Variants in FAS observed in about 807,000 individuals in gnomAD.
The protein encoded by FAS is Fas cell surface death receptor.
A neutral mutation model predicts 33.2 loss-of-function variants in FAS; 5 were observed. The ratio of observed to expected loss-of-function variants is 0.15; its 90% CI spans 0.08 to 0.32. The LOEUF is 0.32. Ranked by LOEUF, FAS falls within the 10% of genes least tolerant of loss-of-function variation. The pLI, the probability that FAS is intolerant of heterozygous loss-of-function variation, is 1.00. For synonymous variants in FAS, 131 were observed against 130.7 expected (o/e 1.00, Z -0.01); for missense variants, 339 against 386.0 (o/e 0.88, Z 1.02).
intron 1 of FAS, among the ~76,000 whole-genome samples, chr10:88,998,447 A>G (rs922793077): frequency 1.3e-5 from 2 of 152,118 alleles, no homozygotes; most frequent in Non-Finnish European, 2.9e-5. Context: ...TGGAAGTTGT[A>G]TATACCAAAT....
intron 2 of FAS, among the ~76,000 whole-genome samples, chr10:88,975,550 G>C (rs1846543462): frequency 6.6e-6 from 1 of 152,112 alleles, no homozygotes; most frequent in Non-Finnish European, 1.5e-5. Context: ...AGAGCAAAGG[G>C]AACTATCAGC....
intron 6 of FAS, among the ~76,000 whole-genome samples, chr10:89,011,450 G>A (rs1429404669): frequency 1.3e-5 from 2 of 152,190 alleles, no homozygotes; most frequent in Non-Finnish European, 2.9e-5. Context: ...TGTTTCTTCA[G>A]TTCAGTTGAA....
Position 89,015,324 on chromosome 10 carries a change from T to A in FAS, c.*874T>A, listed in dbSNP as rs1436430653. On this transcript the variant is annotated 3_prime_UTR_variant, in exon 9 of 9. Transcript: ENST00000652046. ...CTGCCCTTAGAAATTCTAGCCTGGTTTGGAGATACTAACTGCTCTCAGAGA... is the reference window on the plus strand; with the variant it reads ...CTGCCCTTAGAAATTCTAGCCTGGTATGGAGATACTAACTGCTCTCAGAGA... 7.5e-6 allele frequency: 4 copies of A among 534,610 alleles called. No homozygotes were observed. In the East Asian group the frequency reaches 1.2e-4, roughly 16 times the overall value. The allele number at this position is 534,610 out of a possible 1,614,324, so 33.1% of individuals were successfully genotyped here. A position where few individuals can be genotyped will look rare whatever the true frequency, so the allele number is the denominator to read the frequency against.
In FAS at chr10:88,990,841, G is replaced by A; in HGVS notation, c.-36G>A. 6.2e-7 allele frequency: 1 copy of A among 1,614,220 alleles called. No homozygotes were observed. The highest frequency in any genetic ancestry group is 8.5e-7 in the Non-Finnish European group (1 of 1,180,030). On this transcript the variant is annotated 5_prime_UTR_variant, in exon 1 of 9. Coordinates refer to ENST00000652046, the MANE Select transcript of FAS (RefSeq NM_000043.6). The surrounding 1 kb of genome is among the most constrained non-coding windows in gnomAD (Gnocchi z 4.9). ...GTGGACCCGCTCAGTACGGAGTTGG[G>A]GAAGCTCTTTCACTTCGGAGGATTG...
chr10:89,000,244 T>C (rs9658717), intron 1 of FAS, among the ~76,000 whole-genome samples: 449 of 152,286 alleles, frequency 2.9e-3, no homozygotes, highest in African/African-American at 0.01. Context: ...TAACCAAAAT[T>C]TATATAAAGA....
intron 2 of FAS, among the ~76,000 whole-genome samples, chr10:88,977,089 A>G (rs1057008107): frequency 1.3e-5 from 2 of 152,310 alleles, no homozygotes. Context: ...AAAATTTAAG[A>G]TAATTTTCTC....
Position 89,014,830 on chromosome 10 carries a change from G to A in FAS, c.*380G>A. 1 of 543,050 alleles carries A rather than the reference G, an allele frequency of 1.8e-6. No individual in the cohort carries two copies. The highest frequency in any genetic ancestry group is 3.9e-5 in the East Asian group (1 of 25,864). 33.6% of individuals were successfully genotyped at this position (543,050 alleles called of 1,614,324 possible). A position where few individuals can be genotyped will look rare whatever the true frequency, so the allele number is the denominator to read the frequency against. ...AACCCCACTCTATGAATCAATAGAA[G>A]AAGCTATGACCTTTTGCTGAAATAT... On this transcript the variant is annotated 3_prime_UTR_variant, in exon 9 of 9. Transcript: ENST00000652046.
chr10:88,983,104 T>G (rs1329969239), upstream of FAS, among the ~76,000 whole-genome samples: 1 of 152,236 alleles, frequency 6.6e-6, no homozygotes, highest in African/African-American at 2.4e-5. Context: ...TATTGAGGTT[T>G]GAAATGCACT....
At chr10:89,002,441 A>AG (rs1470547080) in intron 1 of FAS, 36 of 163,252 alleles carry the variant, frequency 2.2e-4, no homozygotes, top group Non-Finnish European at 4.0e-5. Flanking sequence ...CTATACCCGT[A>AG]GGGGACTCTC....
chr10:88,994,749 A>G (rs890648639), intron 1 of FAS, among the ~76,000 whole-genome samples: 3 of 151,690 alleles, frequency 2.0e-5, no homozygotes, highest in Non-Finnish European at 4.4e-5. Flanking sequence ...TTTATCTCAT[A>G]TTTTTTATTG....
chr10:88,977,497 C>T lies in FAS; in HGVS notation n.260+4150C>T, dbSNP rs577691365. On this transcript the variant is annotated intron_variant and non_coding_transcript_variant, in intron 2 of 3. Coordinates refer to the FAS transcript ENST00000688239. ...GTAGATATGCGGCGTTCAACCTACT[C>T]ATCTGACAAAGGGCTAATATCCAGA... 2.0e-5 allele frequency among the ~76,000 whole-genome samples: 3 copies of T among 152,208 alleles called. No homozygotes were observed. In the East Asian group the frequency reaches 5.8e-4, roughly 29 times the overall value.
chr10:88,981,160 C>G (rs1589425551), intron 2 of FAS, among the ~76,000 whole-genome samples: 2 of 152,310 alleles, frequency 1.3e-5, no homozygotes, highest in East Asian at 1.9e-4. Context: ...GTGGAGCCTC[C>G]AGACCTGTGT....
chr10:88,975,643 T>A (rs1244140310), intron 2 of FAS, among the ~76,000 whole-genome samples: 1 of 139,138 alleles, frequency 7.2e-6, no homozygotes, highest in African/African-American at 2.8e-5. Context: ...GAGAGTAGGA[T>A]TTTTTTTTTT....
intron 2 of FAS, among the ~76,000 whole-genome samples, chr10:88,980,097 A>T (rs1046030316): frequency 6.6e-6 from 1 of 152,216 alleles, no homozygotes; most frequent in African/African-American, 2.4e-5. Context: ...TTAATTTTTA[A>T]GTTTTGTTCA....
chr10:88,981,178 C>T (rs921745075), intron 2 of FAS, among the ~76,000 whole-genome samples: 1 of 152,204 alleles, frequency 6.6e-6, no homozygotes, highest in African/African-American at 2.4e-5. Context: ...TGTCCTAACT[C>T]GAGCTCTGCC....
rs1848478644 is a variant in FAS at position 89,010,609 on chromosome 10, T to G, written c.505+9T>G. The stretch of plus-strand genomic sequence containing the variant: ...CAAGTGCAAAGAGGAAGGTAATTAT[T>G]TTTTTACGGTTATATTCTCCTTTCC... On this transcript the variant is annotated intron_variant, in intron 5 of 8. Coordinates refer to ENST00000652046, the MANE Select transcript of FAS (RefSeq NM_000043.6). 2 of 1,613,512 alleles carry G rather than the reference T, an allele frequency of 1.2e-6. No individual in the cohort carries two copies. Among genetic ancestry groups the G allele is most frequent in the Non-Finnish European group, 1.7e-6 (2 of 1,179,562 alleles).
chr10:88,967,090 G>A (rs987226617), intron 1 of FAS, among the ~76,000 whole-genome samples: 1 of 152,200 alleles, frequency 6.6e-6, no homozygotes, highest in African/African-American at 2.4e-5. Context: ...AACAGGAAGA[G>A]ACCCTCGAGA....
At chr10:89,007,612 G>A in intron 2 of FAS, 88 bp from the exon 3 acceptor site, 3 of 1,526,980 alleles carry the variant, frequency 2.0e-6, no homozygotes, top group Non-Finnish European at 2.7e-6. Context: ...TTTTAGAAGA[G>A]TTTTATTGTC....
intron 1 of FAS, chr10:89,002,568 G>A (rs935033872): frequency 2.8e-5 from 5 of 180,270 alleles, no homozygotes; most frequent in African/African-American, 1.2e-4. Flanking sequence ...CCCCCTCACT[G>A]AAACTTTAAT....
Sources: gnomAD v4.1 joint callset for allele counts (sites outside exome capture counted in the v4.1 genomes callset) on GRCh38, gnomAD v4.1.1 for gene constraint, Gnocchi (gnomAD v3.1) non-coding constraint, MANE v1.5 for transcripts, NCBI Gene and HGNC (gene_info 2026-07-23, HGNC 2026-07-21) for gene names.